Variants in MAP2K6 observed in about 807,000 individuals in gnomAD.
MAP2K6 encodes the protein dual specificity mitogen-activated protein kinase kinase 6.
Under a neutral mutation model 53.7 loss-of-function variants are expected in MAP2K6, and 16 were observed. The ratio of observed to expected loss-of-function variants is 0.30; its 90% CI spans 0.20 to 0.45. MAP2K6 has a LOEUF of 0.45. Among genes scored for constraint, MAP2K6 ranks in the 20% least tolerant of loss-of-function variants. The pLI is 1.00. For missense variants in MAP2K6, 204 were observed against 411.9 expected (o/e 0.50, Z 4.37); for synonymous variants, 132 against 143.1 (o/e 0.92, Z 0.55).
intron 4 of MAP2K6, among the ~76,000 whole-genome samples, 200 bp downstream of exon 4, chr17:69,517,813 T>G (rs1165432481): frequency 6.6e-6 from 1 of 152,168 alleles, no homozygotes; most frequent in East Asian, 1.9e-4. Context: ...TTTTTATTTG[T>G]TTTTTTAACT....
rs574365341 is a variant in MAP2K6, at chr17:69,490,805, A to G, written c.17-14975A>G. Among the ~76,000 whole-genome samples the G allele has an allele frequency of 1.2e-4, 18 of 151,914 alleles. No homozygotes were observed. The South Asian group carries it at 3.3e-3, about 28-fold the overall frequency. On this transcript the variant is annotated intron_variant, in intron 1 of 11. Coordinates refer to ENST00000590474, the MANE Select transcript of MAP2K6 (RefSeq NM_002758.4). The stretch of plus-strand genomic sequence containing the variant: ...GTCATGGGGATTTGTTGTACAGATT[A>G]TTTCATTACCCAAGTATTAAGCCTA...
intron 1 of MAP2K6, among the ~76,000 whole-genome samples, chr17:69,472,479 C>A (rs1908012308): frequency 6.6e-6 from 1 of 152,042 alleles, no homozygotes; most frequent in South Asian, 2.1e-4. Context: ...CAAGGGTAAC[C>A]TCTGGGCACT....
intron 1 of MAP2K6, among the ~76,000 whole-genome samples, chr17:69,418,876 C>CA (rs11412079): frequency 0.53 from 79,475 of 148,846 alleles, 21,213 homozygotes; most frequent in African/African-American, 0.62. Context: ...TTTATTATTG[C>CA]AAAAAAAAAA....
chr17:69,498,906 C>A (rs1189525923), intron 1 of MAP2K6, among the ~76,000 whole-genome samples: 2 of 152,134 alleles, frequency 1.3e-5, no homozygotes, highest in Non-Finnish European at 2.9e-5. Context: ...GGGAGGCCAG[C>A]CTGCTAGGCA....
rs1014286228 is a variant in MAP2K6, at chr17:69,481,058, A to T, written c.17-24722A>T. Among the ~76,000 whole-genome samples the T allele has an allele frequency of 2.0e-5, 3 of 152,214 alleles. No homozygotes were observed. The East Asian group carries it at 5.8e-4, about 29-fold the overall frequency. On this transcript the variant is annotated intron_variant, in intron 1 of 11. Transcript: ENST00000590474. ...AGTATAATTCAGTGGCATTAAGTAC[A>T]TCCACATTGGTATGCATCTGTCCCC...
intron 1 of MAP2K6, among the ~76,000 whole-genome samples, chr17:69,416,252 T>C (rs767303514): frequency 6.6e-6 from 1 of 152,174 alleles, no homozygotes; most frequent in Non-Finnish European, 1.5e-5. Flanking sequence ...GGGAGTCATA[T>C]ATCTCAGCAG....
intron 1 of MAP2K6, among the ~76,000 whole-genome samples, chr17:69,417,942 A>C (rs761273877): frequency 6.6e-5 from 10 of 152,226 alleles, no homozygotes; most frequent in Non-Finnish European, 1.5e-4. Flanking sequence ...GAGAGCAATA[A>C]GTAAATCATG....
chr17:69,463,888 G>A (rs763686523), intron 1 of MAP2K6, among the ~76,000 whole-genome samples: 126 of 151,060 alleles, frequency 8.3e-4, no homozygotes, highest in Admixed American at 2.2e-3. Flanking sequence ...GGATGGTGGC[G>A]TGTGCCTGTA....
chr17:69,529,223 G>A (rs978615745), intron 10 of MAP2K6, among the ~76,000 whole-genome samples: 1 of 152,078 alleles, frequency 6.6e-6, no homozygotes, highest in African/African-American at 2.4e-5. Flanking sequence ...CTGGGGAGGG[G>A]CCAAGATACT....
chr17:69,439,978 C>T (rs1906765062), intron 1 of MAP2K6, among the ~76,000 whole-genome samples: 1 of 152,098 alleles, frequency 6.6e-6, no homozygotes, highest in Admixed American at 6.6e-5. Context: ...GGAAACCAAG[C>T]CTTGGAAAGG....
At chr17:69,517,658 C>A (rs1282260904) in intron 4 of MAP2K6, 45 bp downstream of exon 4, 1 of 1,335,966 alleles carries the variant, frequency 7.5e-7, no homozygotes, top group Admixed American at 2.3e-5. Flanking sequence ...GCTGTGTATA[C>A]ATTTGTCCAC....
chr17:69,479,092 G>C (rs1339576726), intron 1 of MAP2K6, among the ~76,000 whole-genome samples: 1 of 152,182 alleles, frequency 6.6e-6, no homozygotes, highest in Non-Finnish European at 1.5e-5. Context: ...GAAAAATAAT[G>C]TGGTTGTGTA....
intron 1 of MAP2K6, among the ~76,000 whole-genome samples, chr17:69,416,809 G>A (rs1374460865): frequency 6.6e-6 from 1 of 152,210 alleles, no homozygotes; most frequent in African/African-American, 2.4e-5. Flanking sequence ...GGGATAGTCA[G>A]GAAGGTTTAT....
At chr17:69,477,723 G>A (rs1908201110) in intron 1 of MAP2K6, among the ~76,000 whole-genome samples, 1 of 152,150 alleles carries the variant, frequency 6.6e-6, no homozygotes, top group Admixed American at 6.6e-5. Context: ...CTATTCTAAA[G>A]TTCAGTTTCT....
intron 1 of MAP2K6, among the ~76,000 whole-genome samples, chr17:69,424,195 G>A (rs1341003305): frequency 1.3e-5 from 2 of 152,150 alleles, no homozygotes; most frequent in Non-Finnish European, 2.9e-5. Flanking sequence ...CGCTTACATC[G>A]TGGATATTGG....
chr17:69,477,089 C>T (rs1398175884), intron 1 of MAP2K6: 2 of 152,242 alleles, frequency 1.3e-5, no homozygotes, highest in East Asian at 1.9e-4. Context: ...CTGCTTTGGA[C>T]CACATTTCTG....
chr17:69,448,988 G>A (rs903125899), intron 1 of MAP2K6, among the ~76,000 whole-genome samples: 4 of 152,208 alleles, frequency 2.6e-5, no homozygotes, highest in Non-Finnish European at 4.4e-5. Context: ...GGCAAAGGCC[G>A]GCACTCCCGG....
Position 69,545,060 on chromosome 17 carries a change from T to C in MAP2K6, c.*3307T>C, listed in dbSNP as rs1911822743. 1 of 152,220 alleles carries C rather than the reference T, an allele frequency of 6.6e-6. No homozygotes were observed. The highest frequency in any genetic ancestry group is 2.1e-4 in the South Asian group (1 of 4,830). 9.4% of individuals were successfully genotyped at this position (152,220 alleles called of 1,614,324 possible). On this transcript the variant is annotated 3_prime_UTR_variant, in exon 12 of 12. Transcript: ENST00000590474. ...TTGACAATTTCTAGAAGTTAAATCTTCCCTCAGAGCTGGAGTTTTAGCATC... is the reference window on the plus strand; with the variant it reads ...TTGACAATTTCTAGAAGTTAAATCTCCCCTCAGAGCTGGAGTTTTAGCATC...
At chr17:69,455,597 C>CG (rs1907378813) in intron 1 of MAP2K6, among the ~76,000 whole-genome samples, 1 of 152,048 alleles carries the variant, frequency 6.6e-6, no homozygotes, top group South Asian at 2.1e-4. Flanking sequence ...CTGTCAAAGG[C>CG]GGGGCATTAT....
Sources: allele counts gnomAD v4.1 joint callset (sites outside exome capture counted in the v4.1 genomes callset), GRCh38; gene constraint gnomAD v4.1.1; transcripts MANE v1.5; gene names NCBI Gene and HGNC (gene_info 2026-07-23, HGNC 2026-07-21).